SNTB1: variants seen among roughly 807,000 people sequenced by gnomAD.
SNTB1 encodes beta-1-syntrophin.
Under a neutral mutation model 48.9 loss-of-function variants are expected in SNTB1, and 36 were observed. The observed-to-expected ratio is 0.74, with a 90% CI of 0.56 to 0.97. The LOEUF is 0.97. SNTB1 is among the 50% of genes least tolerant of loss of function. The pLI, the probability that SNTB1 is intolerant of heterozygous loss-of-function variation, is 0.00. For missense variants in SNTB1, 786 were observed against 703.4 expected (o/e 1.12, Z -1.33); for synonymous variants, 299 against 294.6 (o/e 1.01, Z -0.15).
intron 1 of SNTB1, among the ~76,000 whole-genome samples, chr8:120,795,251 A>C (rs1479541933): frequency 6.6e-6 from 1 of 151,976 alleles, no homozygotes; most frequent in Non-Finnish European, 1.5e-5. Context: ...GAAGTTAAAA[A>C]AAAAAACAAA....
chr8:120,734,802 C>A (rs919683541), intron 1 of SNTB1, among the ~76,000 whole-genome samples: 2 of 152,176 alleles, frequency 1.3e-5, no homozygotes, highest in African/African-American at 4.8e-5. Context: ...ATGATGGCTG[C>A]CTTTTAACTG....
chr8:120,583,139 C>T (rs147799630), intron 3 of SNTB1, among the ~76,000 whole-genome samples: 220 of 151,940 alleles, frequency 1.4e-3, no homozygotes, highest in African/African-American at 4.3e-4. Flanking sequence ...ATTAAATGTA[C>T]GATAATGGGA....
intron 3 of SNTB1, among the ~76,000 whole-genome samples, chr8:120,580,285 T>C (rs1195002039): frequency 6.6e-6 from 1 of 152,192 alleles, no homozygotes; most frequent in Non-Finnish European, 1.5e-5. Flanking sequence ...TCACAGTCTT[T>C]AGAGCCGAAC....
chr8:120,729,414 C>T (rs542293438), intron 1 of SNTB1, among the ~76,000 whole-genome samples: 1 of 152,160 alleles, frequency 6.6e-6, no homozygotes, highest in African/African-American at 2.4e-5. Context: ...AAGCAATGTA[C>T]AGAATTGTTC....
At chr8:120,798,344 C>A (rs1211573746) in intron 1 of SNTB1, among the ~76,000 whole-genome samples, 1 of 152,038 alleles carries the variant, frequency 6.6e-6, no homozygotes, top group Non-Finnish European at 1.5e-5. Flanking sequence ...ACACCAGTGC[C>A]TCTCAACTGG....
intron 4 of SNTB1, chr8:120,571,479 G>GTT (rs574978297): frequency 1.1e-4 from 19 of 167,024 alleles, no homozygotes; most frequent in South Asian, 2.4e-4. Context: ...ACTATTGAGG[G>GTT]TTTTTTTTTT....
At chr8:120,805,183 A>T (rs968166867) in intron 1 of SNTB1, among the ~76,000 whole-genome samples, 5 of 152,094 alleles carry the variant, frequency 3.3e-5, no homozygotes, top group Non-Finnish European at 5.9e-5. Context: ...ATTTCTTACC[A>T]TTACAACTTC....
At chr8:120,547,287 T>G (rs1815399371) in intron 5 of SNTB1, among the ~76,000 whole-genome samples, 1 of 152,212 alleles carries the variant, frequency 6.6e-6, no homozygotes. Flanking sequence ...TAATTGATTT[T>G]AGGACCCATA....
At chr8:120,561,390 T>G (rs1262301616) in intron 4 of SNTB1, among the ~76,000 whole-genome samples, 2 of 151,214 alleles carry the variant, frequency 1.3e-5, no homozygotes, top group African/African-American at 4.9e-5. Flanking sequence ...AATGCAGACT[T>G]CAGGTCATCC....
intron 5 of SNTB1, among the ~76,000 whole-genome samples, chr8:120,544,252 T>C (rs976506525): frequency 1.3e-5 from 2 of 152,236 alleles, no homozygotes; most frequent in African/African-American, 4.8e-5. Context: ...TGACTTCAAA[T>C]GGTATTTTTG....
chr8:120,783,925 T>C (rs527240567), intron 1 of SNTB1, among the ~76,000 whole-genome samples: 5 of 152,290 alleles, frequency 3.3e-5, no homozygotes, highest in East Asian at 1.9e-4. Context: ...TTATAAGTAA[T>C]CTAGAAATGA....
intron 1 of SNTB1, among the ~76,000 whole-genome samples, chr8:120,800,596 T>A (rs1334976659): frequency 6.6e-6 from 1 of 151,934 alleles, no homozygotes. Flanking sequence ...CAGTCCAGAG[T>A]AGCAGCGCTC....
chr8:120,735,991 A>G (rs1013855764), intron 1 of SNTB1, among the ~76,000 whole-genome samples: 1 of 152,150 alleles, frequency 6.6e-6, no homozygotes, highest in Non-Finnish European at 1.5e-5. Flanking sequence ...GGTAATTTCT[A>G]AAGGAAAGAG....
At chr8:120,573,429 T>C (rs1386948002) in intron 4 of SNTB1, among the ~76,000 whole-genome samples, 3 of 152,222 alleles carry the variant, frequency 2.0e-5, no homozygotes, top group Admixed American at 1.3e-4. Flanking sequence ...TAAATCTTTA[T>C]ATATTTTGGA....
At chr8:120,540,807 C>T (rs1038532823) in intron 6 of SNTB1, among the ~76,000 whole-genome samples, 3 of 152,142 alleles carry the variant, frequency 2.0e-5, no homozygotes, top group Admixed American at 6.5e-5. Flanking sequence ...CTGCCTGTGG[C>T]GCTCATGGCA....
chr8:120,785,727 C>G (rs1046843919), intron 1 of SNTB1, among the ~76,000 whole-genome samples: 2 of 152,154 alleles, frequency 1.3e-5, no homozygotes, highest in South Asian at 2.1e-4. Flanking sequence ...CCCAGAGTAC[C>G]TACTCTGGGA....
intron 1 of SNTB1, among the ~76,000 whole-genome samples, chr8:120,723,265 AAGC>A (rs1818697296): frequency 6.6e-6 from 1 of 152,346 alleles, no homozygotes; most frequent in African/African-American, 2.4e-5. Flanking sequence ...TATATGAACA[AAGC>A]AGGTTTAAAG....
chr8:120,730,704 C>A (rs1192611960), intron 1 of SNTB1, among the ~76,000 whole-genome samples: 2 of 152,152 alleles, frequency 1.3e-5, no homozygotes, highest in Non-Finnish European at 2.9e-5. Context: ...TATTTTTGAA[C>A]TTTAATCTCA....
intron 2 of SNTB1, among the ~76,000 whole-genome samples, chr8:120,644,668 G>T (rs1328783833): frequency 6.6e-6 from 1 of 151,868 alleles, no homozygotes. Flanking sequence ...AGTCCTTTGG[G>T]TATATACCCA....
Sources: allele counts gnomAD v4.1 joint callset (sites outside exome capture counted in the v4.1 genomes callset), GRCh38; gene constraint gnomAD v4.1.1; transcripts MANE v1.5; gene names NCBI Gene and HGNC (gene_info 2026-07-23, HGNC 2026-07-21).